VAT1L: variants seen among roughly 807,000 people sequenced by gnomAD.
VAT1L encodes putative NADPH-dependent quinone oxidoreductase VAT1L.
In VAT1L, 34 loss-of-function variants were observed where a neutral mutation model predicts 44.1. The observed-to-expected ratio is 0.77, with a 90% CI of 0.59 to 1.03. The LOEUF (loss-of-function observed/expected upper bound fraction) is 1.03, where lower values mean the gene tolerates loss of function less well. Ranked by LOEUF, VAT1L falls within the 50% of genes least tolerant of loss-of-function variation. The pLI is 0.00. For synonymous variants in VAT1L, 253 were observed against 202.2 expected, an observed-to-expected ratio of 1.25 and a Z score of -2.13; for missense variants, 615 against 538.8, an observed-to-expected ratio of 1.14 and a Z score of -1.40.
In VAT1L at chr16:77,803,417, C is replaced by CTTT. The variant is rs11379202; in HGVS notation, c.234-13486_234-13484dup. Among the ~76,000 whole-genome samples the CTTT allele has an allele frequency of 2.8e-3, 298 of 105,488 alleles. 7 individuals are homozygous for CTTT. The highest frequency in any genetic ancestry group is 4.4e-3 in the African/African-American group (118 of 26,732). 69.2% of individuals were successfully genotyped at this position (105,488 alleles called of 152,430 possible). A position where few individuals can be genotyped will look rare whatever the true frequency, so the allele number is the denominator to read the frequency against. The stretch of plus-strand genomic sequence containing the variant: ...TGAAACAACCATTTTACTAGACATT[C>CTTT]TTTTTTTTTTTTTTTTTTTTGAGAT... On this transcript the variant is annotated intron_variant, in intron 1 of 8. Coordinates refer to ENST00000302536, the MANE Select transcript of VAT1L (RefSeq NM_020927.3).
At chr16:77,871,780 G>C (rs2017035889) in intron 4 of VAT1L, among the ~76,000 whole-genome samples, 2 of 152,104 alleles carry the variant, frequency 1.3e-5, no homozygotes, top group African/African-American at 4.8e-5. Context: ...TTCTACTTGG[G>C]ACATAGTAAT....
chr16:77,922,975 C>G (rs2017628318), intron 7 of VAT1L, among the ~76,000 whole-genome samples: 1 of 152,148 alleles, frequency 6.6e-6, no homozygotes, highest in Non-Finnish European at 1.5e-5. Flanking sequence ...CGTCTACAAG[C>G]ACTAAATCTT....
chr16:77,895,140 C>G (rs544130413), intron 7 of VAT1L, among the ~76,000 whole-genome samples: 1 of 63,732 alleles, frequency 1.6e-5, no homozygotes, highest in South Asian at 4.0e-4. Flanking sequence ...GATTTCTACG[C>G]ACATTCTCCC....
chr16:77,843,551 T>A (rs1366661), intron 3 of VAT1L, among the ~76,000 whole-genome samples: 1 of 152,134 alleles, frequency 6.6e-6, no homozygotes, highest in South Asian at 2.1e-4. Flanking sequence ...AGGATTTGAG[T>A]TGATTAGGAG....
chr16:77,835,750 G>C (rs1398554499), intron 3 of VAT1L, among the ~76,000 whole-genome samples: 1 of 152,096 alleles, frequency 6.6e-6, no homozygotes, highest in Non-Finnish European at 1.5e-5. Flanking sequence ...GTGGATGCCT[G>C]TAATCCCAGC....
chr16:77,868,818 G>A (rs569279088), intron 4 of VAT1L, among the ~76,000 whole-genome samples: 10 of 152,232 alleles, frequency 6.6e-5, no homozygotes, highest in Admixed American at 3.9e-4. Flanking sequence ...TATCGGTGGC[G>A]CTGCCTTGTC....
intron 7 of VAT1L, among the ~76,000 whole-genome samples, chr16:77,929,094 G>A (rs916860412): frequency 6.6e-6 from 1 of 152,202 alleles, no homozygotes; most frequent in Admixed American, 6.5e-5. Flanking sequence ...GATTACAGGT[G>A]TGAGCCACCG....
chr16:77,964,228 T>C lies in VAT1L; in HGVS notation c.1078-7622T>C, dbSNP rs75365522. Among the ~76,000 whole-genome samples, 1,427 of 152,204 alleles carry C rather than the reference T, an allele frequency of 9.4e-3. 7 individuals carry two copies. Among genetic ancestry groups the C allele is most frequent in the Non-Finnish European group, 0.015 (995 of 68,026 alleles). On this transcript the variant is annotated intron_variant, in intron 7 of 8. Coordinates refer to ENST00000302536, the MANE Select transcript of VAT1L (RefSeq NM_020927.3). ...ATCACCTCCTTAAACCCACCTACAT[T>C]AGTGTCCTGTAAGCTGCTGTTCAAA...
intron 7 of VAT1L, among the ~76,000 whole-genome samples, chr16:77,946,520 G>A (rs988619750): frequency 4.6e-5 from 7 of 151,870 alleles, no homozygotes; most frequent in African/African-American, 1.5e-4. Context: ...CTGACTTCGT[G>A]ATCTGCCCGC....
At chr16:77,930,684 C>T (rs539054734) in intron 7 of VAT1L, among the ~76,000 whole-genome samples, 90 of 152,238 alleles carry the variant, frequency 5.9e-4, no homozygotes, top group African/African-American at 2.2e-3. Context: ...TTGAAAGCCC[C>T]CACTGTTAAG....
At chr16:77,961,256 G>A (rs1389458207) in intron 7 of VAT1L, among the ~76,000 whole-genome samples, 2 of 152,022 alleles carry the variant, frequency 1.3e-5, no homozygotes, top group Non-Finnish European at 2.9e-5. Context: ...TGTCACCAAG[G>A]GGGCTTCTCC....
chr16:77,863,947 A>G (rs534880464), intron 4 of VAT1L, among the ~76,000 whole-genome samples: 21 of 152,188 alleles, frequency 1.4e-4, no homozygotes, highest in Non-Finnish European at 2.5e-4. Flanking sequence ...CTGGTGGTGC[A>G]GAGGGGATGG....
intron 1 of VAT1L, among the ~76,000 whole-genome samples, chr16:77,816,136 T>C (rs940944709): frequency 1.5e-4 from 23 of 152,120 alleles, no homozygotes; most frequent in African/African-American, 5.1e-4. Flanking sequence ...AATAGCGTCA[T>C]TGGAATCAAG....
intron 7 of VAT1L, among the ~76,000 whole-genome samples, chr16:77,944,670 A>G (rs554914896): frequency 6.6e-6 from 1 of 152,278 alleles, no homozygotes; most frequent in Admixed American, 6.5e-5. Context: ...CTCAACAAAC[A>G]TAATCATTAT....
At chr16:77,953,362 T>G (rs564140064) in intron 7 of VAT1L, among the ~76,000 whole-genome samples, 4 of 152,206 alleles carry the variant, frequency 2.6e-5, no homozygotes, top group Non-Finnish European at 5.9e-5. Context: ...TGTTCCTAAT[T>G]TTAATGAAAA....
chr16:77,791,257 G>T (rs1016560888), intron 1 of VAT1L, among the ~76,000 whole-genome samples: 1 of 152,174 alleles, frequency 6.6e-6, no homozygotes, highest in Admixed American at 6.5e-5. Flanking sequence ...CTGGATGATG[G>T]TCTCCCTTTT....
intron 2 of VAT1L, among the ~76,000 whole-genome samples, chr16:77,821,671 T>A (rs778111601): frequency 3.9e-5 from 6 of 152,142 alleles, no homozygotes; most frequent in Non-Finnish European, 8.8e-5. Flanking sequence ...GGTCCCAGTC[T>A]ATAAAATGGG....
intron 4 of VAT1L, among the ~76,000 whole-genome samples, chr16:77,865,219 C>A (rs2016960784): frequency 6.6e-6 from 1 of 152,056 alleles, no homozygotes; most frequent in Admixed American, 6.5e-5. Context: ...GTGATGCGCC[C>A]ATCTTGGCCT....
intron 7 of VAT1L, 77 bp from the exon 8 acceptor site, chr16:77,971,773 T>A (rs761440998): frequency 6.8e-7 from 1 of 1,479,452 alleles, no homozygotes; most frequent in Non-Finnish European, 9.2e-7. Context: ...CTTGACAGTT[T>A]GAGTTCTCCA....
Sources: allele counts gnomAD v4.1 joint callset (sites outside exome capture counted in the v4.1 genomes callset), GRCh38; gene constraint gnomAD v4.1.1; transcripts MANE v1.5; gene names NCBI Gene and HGNC (gene_info 2026-07-23, HGNC 2026-07-21).